The following GRM7 variants were observed in gnomAD, a reference collection of about 807,000 sequenced individuals.
GRM7 encodes the protein glutamate metabotropic receptor 7, also known as metabotropic glutamate receptor 7.
A neutral mutation model predicts 84.5 loss-of-function variants in GRM7; 35 were observed. The ratio of observed to expected loss-of-function variants is 0.41; its 90% CI spans 0.32 to 0.55. GRM7 has a LOEUF of 0.55. Among genes scored for constraint, GRM7 ranks in the 20% least tolerant of loss-of-function variants. The pLI is 0.19. For missense variants in GRM7, 1,003 were observed against 1,194.6 expected (o/e 0.84, Z 2.36); for synonymous variants, 487 against 455.1 (o/e 1.07, Z -0.89).
intron 7 of GRM7, among the ~76,000 whole-genome samples, chr3:7,541,358 C>A (rs904637097): frequency 6.6e-6 from 1 of 151,798 alleles, no homozygotes; most frequent in African/African-American, 2.4e-5. Flanking sequence ...ATTTTGGGGC[C>A]GTATTTTATA....
chr3:7,313,639 AT>A (rs1223715688), intron 4 of GRM7, among the ~76,000 whole-genome samples: 3 of 152,202 alleles, frequency 2.0e-5, no homozygotes, highest in Admixed American at 6.5e-5. Context: ...AGTATAAGTC[AT>A]TACTGTAGAG....
At chr3:7,332,289 G>A (rs73132235) in intron 4 of GRM7, among the ~76,000 whole-genome samples, 6,035 of 152,214 alleles carry the variant, frequency 0.04, 256 homozygotes, top group African/African-American at 0.11. Flanking sequence ...GAGGAGAATA[G>A]ACAATTTATC....
At chr3:7,644,776 A>G (rs1160504730) in intron 8 of GRM7, among the ~76,000 whole-genome samples, 1 of 152,178 alleles carries the variant, frequency 6.6e-6, no homozygotes, top group African/African-American at 2.4e-5. Flanking sequence ...AGTTGTCCCC[A>G]AGACTTTGGT....
chr3:7,671,374 A>G (rs1575614201), intron 8 of GRM7, among the ~76,000 whole-genome samples: 1 of 152,274 alleles, frequency 6.6e-6, no homozygotes, highest in East Asian at 1.9e-4. Context: ...TAGACACTGC[A>G]TCAGGCTTCC....
chr3:6,898,109 G>C (rs1696252511), intron 1 of GRM7, among the ~76,000 whole-genome samples: 1 of 152,182 alleles, frequency 6.6e-6, no homozygotes, highest in African/African-American at 2.4e-5. Context: ...GGCCATGCGA[G>C]ACATCCAGGG....
chr3:7,740,205 G>A (rs546692277), intron 9 of GRM7, 152 bp from the exon 10 acceptor site: 5 of 558,096 alleles, frequency 9.0e-6, no homozygotes, highest in Non-Finnish European at 1.3e-5. Flanking sequence ...CAAAGCCTTA[G>A]AGTCAGAGGA....
chr3:7,444,273 T>G (rs1697413770), intron 5 of GRM7, among the ~76,000 whole-genome samples: 1 of 152,178 alleles, frequency 6.6e-6, no homozygotes, highest in Non-Finnish European at 1.5e-5. Context: ...GACAGGCATC[T>G]ATAGAGACAT....
intron 7 of GRM7, among the ~76,000 whole-genome samples, chr3:7,523,906 G>A (rs1700692789): frequency 6.6e-6 from 1 of 152,058 alleles, no homozygotes; most frequent in South Asian, 2.1e-4. Context: ...GGGTAAGTAT[G>A]GGTAGTCTCT....
At chr3:7,120,287 A>G (rs1438176836) in intron 1 of GRM7, among the ~76,000 whole-genome samples, 1 of 152,086 alleles carries the variant, frequency 6.6e-6, no homozygotes, top group Non-Finnish European at 1.5e-5. Context: ...CACATCTAAA[A>G]TCTGTCTCCC....
intron 9 of GRM7, among the ~76,000 whole-genome samples, chr3:7,706,335 T>C (rs1036748266): frequency 6.6e-6 from 1 of 152,204 alleles, no homozygotes; most frequent in East Asian, 1.9e-4. Flanking sequence ...CTATATATTA[T>C]ATGTATGACC....
intron 1 of GRM7, among the ~76,000 whole-genome samples, chr3:7,024,980 G>A (rs1264188167): frequency 1.3e-5 from 2 of 152,150 alleles, no homozygotes; most frequent in Non-Finnish European, 2.9e-5. Context: ...ATGTTGGCAG[G>A]GCAGTGTTCC....
chr3:7,404,952 A>G (rs923984293), intron 4 of GRM7, among the ~76,000 whole-genome samples: 17 of 152,188 alleles, frequency 1.1e-4, no homozygotes, highest in African/African-American at 3.1e-4. Context: ...TGAACATATT[A>G]TATCAAGCTA....
intron 8 of GRM7, chr3:7,607,673 C>G (rs946244467): frequency 3.4e-5 from 5 of 148,680 alleles, no homozygotes; most frequent in African/African-American, 9.9e-5. Context: ...TGATTGAGGA[C>G]AGCTTGTCGT....
intron 2 of GRM7, among the ~76,000 whole-genome samples, chr3:7,192,097 C>T (rs1046057183): frequency 6.6e-6 from 1 of 152,026 alleles, no homozygotes; most frequent in African/African-American, 2.4e-5. Context: ...GTAATGCGAG[C>T]TAAGGCTGGA....
At chr3:7,272,963 T>G (rs1318694552) in intron 2 of GRM7, among the ~76,000 whole-genome samples, 1 of 152,116 alleles carries the variant, frequency 6.6e-6, no homozygotes, top group Non-Finnish European at 1.5e-5. Context: ...ATTTTTATTT[T>G]TTTAATACAT....
intron 4 of GRM7, among the ~76,000 whole-genome samples, chr3:7,319,245 T>A (rs962443924): frequency 6.6e-6 from 1 of 151,950 alleles, no homozygotes; most frequent in Admixed American, 6.6e-5. Flanking sequence ...GTGCATTAGC[T>A]GAAAAAAGTA....
At chr3:7,494,568 C>A (rs1575415625) in intron 7 of GRM7, among the ~76,000 whole-genome samples, 1 of 152,188 alleles carries the variant, frequency 6.6e-6, no homozygotes, top group East Asian at 1.9e-4. Context: ...TTCTCTTCTC[C>A]TTCTGGGATT....
chr3:7,666,883 A>G (rs1046050814), intron 8 of GRM7, among the ~76,000 whole-genome samples: 1 of 152,236 alleles, frequency 6.6e-6, no homozygotes, highest in Non-Finnish European at 1.5e-5. Context: ...ATAACACTTA[A>G]GGTTCCAATT....
intron 8 of GRM7, among the ~76,000 whole-genome samples, chr3:7,622,098 C>G (rs761798881): frequency 2.4e-4 from 36 of 152,110 alleles, no homozygotes; most frequent in Admixed American, 1.8e-3. Flanking sequence ...CTTGGAAAGG[C>G]AAAATGATTT....
Sources: gnomAD v4.1 joint callset for allele counts (sites outside exome capture counted in the v4.1 genomes callset) on GRCh38, gnomAD v4.1.1 for gene constraint, MANE v1.5 for transcripts, NCBI Gene and HGNC (gene_info 2026-07-23, HGNC 2026-07-21) for gene names.